Variants in CAMKK2 observed in about 807,000 individuals in gnomAD.
CAMKK2 encodes the protein calcium/calmodulin dependent protein kinase kinase 2.
CAMKK2 carries 30 observed loss-of-function variants against 67.2 expected under a neutral mutation model. That is an observed-to-expected ratio of 0.45 (90% CI 0.33 to 0.61). The LOEUF (loss-of-function observed/expected upper bound fraction) is 0.61. Ranked by LOEUF, CAMKK2 falls within the 20% of genes least tolerant of loss-of-function variation. The pLI is 0.02. For synonymous variants in CAMKK2, 322 were observed against 326.2 expected (o/e 0.99, Z 0.14); for missense variants, 643 against 802.0 (o/e 0.80, Z 2.39).
intron 14 of CAMKK2, among the ~76,000 whole-genome samples, chr12:121,246,252 G>A (rs1335217071): frequency 1.7e-5 from 2 of 118,546 alleles, no homozygotes; most frequent in Non-Finnish European, 3.6e-5. Context: ...AAAAGAAGGA[G>A]CGGGGGGGGG....
Position 121,244,635 on chromosome 12 carries a change from G to A in CAMKK2, c.1554-20C>T. ...TTTTTGCTGGAATCACCAGAGGGAGGGAAAAGGGAAGTGAGAAGGGACCCT... is the reference window on the plus strand; with the variant it reads ...TTTTTGCTGGAATCACCAGAGGGAGAGAAAAGGGAAGTGAGAAGGGACCCT... On this transcript the variant is annotated intron_variant, in intron 15 of 16. Coordinates refer to ENST00000404169, the MANE Select transcript of CAMKK2 (RefSeq NM_001270485.2). 6.4e-7 allele frequency: 1 copy of A among 1,554,462 alleles called. No homozygotes were observed. Among genetic ancestry groups the A allele is most frequent in the Non-Finnish European group, 8.7e-7 (1 of 1,147,832 alleles).
intron 1 of CAMKK2, among the ~76,000 whole-genome samples, chr12:121,292,387 C>T (rs1900226195): frequency 6.6e-6 from 1 of 152,170 alleles, no homozygotes; most frequent in African/African-American, 2.4e-5. Context: ...CCTCGGCCTC[C>T]CAAAGTGCTG....
intron 1 of CAMKK2, among the ~76,000 whole-genome samples, chr12:121,281,308 C>G (rs988284989): frequency 1.3e-5 from 2 of 152,250 alleles, no homozygotes; most frequent in African/African-American, 2.4e-5. Flanking sequence ...CAAAGAGGTG[C>G]TCCCAAGCCC....
chr12:121,283,896 A>G (rs1257352271), intron 1 of CAMKK2, among the ~76,000 whole-genome samples: 1 of 152,238 alleles, frequency 6.6e-6, no homozygotes, highest in Non-Finnish European at 1.5e-5. Context: ...ATAAAAGTGC[A>G]AATTTACAGA....
intron 1 of CAMKK2, among the ~76,000 whole-genome samples, chr12:121,287,449 C>T (rs1490865046): frequency 6.6e-6 from 1 of 152,026 alleles, no homozygotes; most frequent in Non-Finnish European, 1.5e-5. Context: ...GAGATGACCT[C>T]ATCCAGGCAG....
At chr12:121,287,103 G>T (rs1415863803) in intron 1 of CAMKK2, among the ~76,000 whole-genome samples, 1 of 151,914 alleles carries the variant, frequency 6.6e-6, no homozygotes, top group East Asian at 1.9e-4. Context: ...ATGGGGTTTT[G>T]CCATGTTGCC....
chr12:121,269,830 C>T, intron 3 of CAMKK2: 2 of 416,282 alleles, frequency 4.8e-6, no homozygotes, highest in Non-Finnish European at 8.7e-6. Flanking sequence ...AGGCGGATCA[C>T]TTGAGTTAAG....
intron 1 of CAMKK2, among the ~76,000 whole-genome samples, chr12:121,278,627 G>C (rs113464444): frequency 0.063 from 9,525 of 152,238 alleles, 389 homozygotes; most frequent in Middle Eastern, 0.16. Flanking sequence ...TTCCGCTTTT[G>C]CATCTTCCTC....
At chr12:121,262,667 T>C (rs1893702060) in intron 6 of CAMKK2, among the ~76,000 whole-genome samples, 1 of 152,066 alleles carries the variant, frequency 6.6e-6, no homozygotes, top group African/African-American at 2.4e-5. Flanking sequence ...GAAGTGATTC[T>C]CCCACCTCGG....
chr12:121,267,022 CTTTTTTTTTTTTTTTTTTTT>C (rs58762246), intron 5 of CAMKK2, among the ~76,000 whole-genome samples: 3 of 30,738 alleles, frequency 9.8e-5, no homozygotes, highest in African/African-American at 2.6e-4. Context: ...GTGCTCTGGC[CTTTTTTTTTTTTTTTTTTTT>C]TTTTTTTTTT....
Position 121,255,764 on chromosome 12 carries a change from T to C in CAMKK2, c.818+19A>G. The C allele has an allele frequency of 6.2e-7, 1 of 1,613,852 alleles. No homozygotes were observed. The highest frequency in any genetic ancestry group is 8.5e-7 in the Non-Finnish European group (1 of 1,179,806). On this transcript the variant is annotated intron_variant, in intron 8 of 16. Transcript: ENST00000404169. ...CAGAAGCTTCTTGCATCACCCCTGC[T>C]GGGAGCTGGGACACTCACCCTTGGT...
At chr12:121,280,732 T>TA (rs1413648734) in intron 1 of CAMKK2, among the ~76,000 whole-genome samples, 2 of 152,094 alleles carry the variant, frequency 1.3e-5, no homozygotes, top group East Asian at 3.8e-4. Flanking sequence ...CAGTCTCCCA[T>TA]AGCGCTCCCA....
At chr12:121,280,178 T>C (rs1897508276) in intron 1 of CAMKK2, among the ~76,000 whole-genome samples, 1 of 152,184 alleles carries the variant, frequency 6.6e-6, no homozygotes, top group Admixed American at 6.5e-5. Context: ...CAGAAGAACA[T>C]GGATTGTGAA....
intron 1 of CAMKK2, among the ~76,000 whole-genome samples, chr12:121,277,872 C>CTTG (rs1469208737): frequency 2.0e-5 from 3 of 152,138 alleles, no homozygotes; most frequent in African/African-American, 7.2e-5. Context: ...GAGGCTGAAG[C>CTTG]AGGAGAATCA....
chr12:121,287,101 T>G (rs1898899381), intron 1 of CAMKK2, among the ~76,000 whole-genome samples: 1 of 152,108 alleles, frequency 6.6e-6, no homozygotes, highest in African/African-American at 2.4e-5. Context: ...AGATGGGGTT[T>G]TGCCATGTTG....
chr12:121,294,096 C>T (rs1389525535), intron 1 of CAMKK2, among the ~76,000 whole-genome samples: 2 of 152,138 alleles, frequency 1.3e-5, no homozygotes, highest in African/African-American at 4.8e-5. Context: ...CCACGCCCAG[C>T]TAATTTTTGT....
At chr12:121,261,612 G>A (rs1339297946) in intron 6 of CAMKK2, among the ~76,000 whole-genome samples, 1 of 152,212 alleles carries the variant, frequency 6.6e-6, no homozygotes, top group Admixed American at 6.5e-5. Flanking sequence ...GCCCTGTGGG[G>A]AAGGCACACC....
rs1338097019 is a variant in CAMKK2, at chr12:121,240,879, G to A, written c.1597-10C>T. The A allele has an allele frequency of 6.2e-7, 1 of 1,611,972 alleles. No homozygotes were observed. Among genetic ancestry groups the A allele is most frequent in the East Asian group, 2.2e-5 (1 of 44,846 alleles). ...TTCGCTGCCTTGCTTCCTGCTCACCGAACAGAAAACCAACATTAAGACTCT... is the reference window on the plus strand; with the variant it reads ...TTCGCTGCCTTGCTTCCTGCTCACCAAACAGAAAACCAACATTAAGACTCT... On this transcript the variant is annotated splice_polypyrimidine_tract_variant and intron_variant, in intron 16 of 16. Transcript: ENST00000404169. This position sits in a 1 kb window ranked among gnomAD's most constrained non-coding sequence, Gnocchi z 4.4.
At chr12:121,291,771 G>C (rs12818781) in intron 1 of CAMKK2, among the ~76,000 whole-genome samples, 9 of 151,604 alleles carry the variant, frequency 5.9e-5, no homozygotes, top group Admixed American at 2.0e-4. Flanking sequence ...AAATGGTTAA[G>C]TTTGGGCTGG....
Sources: allele counts gnomAD v4.1 joint callset (sites outside exome capture counted in the v4.1 genomes callset), GRCh38; gene constraint gnomAD v4.1.1; non-coding constraint Gnocchi (gnomAD v3.1); transcripts MANE v1.5; gene names NCBI Gene and HGNC (gene_info 2026-07-23, HGNC 2026-07-21).